Variants in SCAND3 observed in about 807,000 individuals in gnomAD.
SCAND3 encodes the protein SCAN domain containing 3.
At chr6:28,597,768 G>C in the SCAND3 span, 1 of 152,196 alleles carries the variant, frequency 6.6e-6, no homozygotes, top group African/African-American at 2.4e-5. Context: ...GGAGGGACCG[G>C]ATTATTCCTT....
chr6:28,579,148 C>T, the SCAND3 span: 4 of 862,702 alleles, frequency 4.6e-6, no homozygotes, highest in South Asian at 3.6e-5. This position sits in a 1 kb window ranked among gnomAD's most constrained non-coding sequence, Gnocchi z 4.5. Context: ...TACTGATTGG[C>T]TTTTCCTTCA....
the SCAND3 span, among the ~76,000 whole-genome samples, chr6:28,580,876 G>C: frequency 1.5e-5 from 2 of 136,712 alleles, no homozygotes; most frequent in African/African-American, 2.8e-5. Flanking sequence ...GACCAAAATG[G>C]GTGGGCCTGG....
the SCAND3 span, chr6:28,587,748 T>C: frequency 6.6e-6 from 1 of 151,908 alleles, no homozygotes; most frequent in African/African-American, 2.4e-5. Flanking sequence ...AGTTAGTCCA[T>C]TGTTTCCATT....
the SCAND3 span, among the ~76,000 whole-genome samples, chr6:28,581,810 C>A: frequency 6.6e-6 from 1 of 152,146 alleles, no homozygotes; most frequent in Admixed American, 6.5e-5. Context: ...AACAAGGAAG[C>A]CTGGAAAAGA....
the SCAND3 span, chr6:28,572,191 T>A: frequency 3.7e-6 from 6 of 1,614,086 alleles, no homozygotes; most frequent in Non-Finnish European, 5.1e-6. This position sits in a 1 kb window ranked among gnomAD's most constrained non-coding sequence, Gnocchi z 4.1. Flanking sequence ...CAATCCTTCG[T>A]CGGTAGCCAG....
the SCAND3 span, among the ~76,000 whole-genome samples, chr6:28,607,640 A>G: frequency 2.0e-5 from 3 of 151,850 alleles, no homozygotes; most frequent in Non-Finnish European, 4.4e-5. Context: ...ACCACCCTAT[A>G]CCTTACCTTT....
the SCAND3 span, among the ~76,000 whole-genome samples, chr6:28,598,349 C>G: frequency 6.6e-6 from 1 of 152,158 alleles, no homozygotes; most frequent in African/African-American, 2.4e-5. Context: ...ATTTCTTGCC[C>G]AAATGCTGGG....
chr6:28,572,526 C>T, the SCAND3 span: 9 of 1,613,802 alleles, frequency 5.6e-6, no homozygotes, highest in Non-Finnish European at 7.6e-6. The surrounding 1 kb of genome is among the most constrained non-coding windows in gnomAD (Gnocchi z 4.1). Context: ...TTGCATTCTT[C>T]CCTTGCATAG....
At chr6:28,575,664 G>A in the SCAND3 span, 12 of 1,613,896 alleles carry the variant, frequency 7.4e-6, no homozygotes, top group East Asian at 8.9e-5. This position sits in a 1 kb window ranked among gnomAD's most constrained non-coding sequence, Gnocchi z 4.2. Flanking sequence ...GTTTACAGAG[G>A]GTCAGATACA....
At chr6:28,596,882 T>A in the SCAND3 span, among the ~76,000 whole-genome samples, 1 of 152,190 alleles carries the variant, frequency 6.6e-6, no homozygotes, top group African/African-American at 2.4e-5. Context: ...TCAGTAAGGT[T>A]AAAATTAGGC....
the SCAND3 span, chr6:28,589,852 G>GTTTTTTTTT: frequency 4.2e-5 from 5 of 117,668 alleles, no homozygotes; most frequent in South Asian, 3.2e-4. Flanking sequence ...TTGTTTTTTT[G>GTTTTTTTTT]TTTGTTTTTT....
the SCAND3 span, among the ~76,000 whole-genome samples, chr6:28,614,307 A>T: frequency 2.0e-5 from 3 of 152,072 alleles, no homozygotes; most frequent in Non-Finnish European, 4.4e-5. Flanking sequence ...GAATTTTAGC[A>T]AAAAGATATT....
At chr6:28,598,784 C>T in the SCAND3 span, among the ~76,000 whole-genome samples, 17 of 143,880 alleles carry the variant, frequency 1.2e-4, no homozygotes, top group Admixed American at 1.2e-3. Context: ...GACTGAGGCA[C>T]GAAAATCGCT....
At chr6:28,603,128 A>C in the SCAND3 span, among the ~76,000 whole-genome samples, 1 of 151,768 alleles carries the variant, frequency 6.6e-6, no homozygotes, top group East Asian at 1.9e-4. Context: ...CGTCCAGCTA[A>C]ATTTTTTTTG....
chr6:28,575,415 T>G, the SCAND3 span: 1 of 1,613,998 alleles, frequency 6.2e-7, no homozygotes, highest in Non-Finnish European at 8.5e-7. This position sits in a 1 kb window ranked among gnomAD's most constrained non-coding sequence, Gnocchi z 4.2. Context: ...GGACACTGGG[T>G]GCTCCAATAA....
chr6:28,592,863 G>A, the SCAND3 span, among the ~76,000 whole-genome samples: 6 of 152,182 alleles, frequency 3.9e-5, no homozygotes, highest in African/African-American at 1.4e-4. This position sits in a 1 kb window ranked among gnomAD's most constrained non-coding sequence, Gnocchi z 4.1. Context: ...TTATCCACAT[G>A]AAGAAGAATA....
chr6:28,582,032 A>G, the SCAND3 span, among the ~76,000 whole-genome samples: 1 of 152,210 alleles, frequency 6.6e-6, no homozygotes, highest in African/African-American at 2.4e-5. This position sits in a 1 kb window ranked among gnomAD's most constrained non-coding sequence, Gnocchi z 4.8. Flanking sequence ...GACCACATTA[A>G]AAAAACTATC....
the SCAND3 span, among the ~76,000 whole-genome samples, chr6:28,588,601 A>G: frequency 2.0e-5 from 3 of 152,386 alleles, no homozygotes; most frequent in Admixed American, 1.3e-4. The surrounding 1 kb of genome is among the most constrained non-coding windows in gnomAD (Gnocchi z 4.1). Context: ...TTTAAAATGT[A>G]CATACAAAAT....
At chr6:28,598,889 A>G in the SCAND3 span, among the ~76,000 whole-genome samples, 1 of 148,962 alleles carries the variant, frequency 6.7e-6, no homozygotes, top group Non-Finnish European at 1.5e-5. Flanking sequence ...AAAAAAAAAA[A>G]AAAAAGAAAA....
Sources: allele counts gnomAD v4.1 joint callset (sites outside exome capture counted in the v4.1 genomes callset), GRCh38; gene constraint gnomAD v4.1.1; non-coding constraint Gnocchi (gnomAD v3.1); transcripts MANE v1.5; gene names NCBI Gene and HGNC (gene_info 2026-07-23, HGNC 2026-07-21).